The following NAALADL2 variants were observed in gnomAD, a reference collection of about 807,000 sequenced individuals.
The protein encoded by NAALADL2 is N-acetylated alpha-linked acidic dipeptidase like 2.
A neutral mutation model predicts 87.2 loss-of-function variants in NAALADL2; 76 were observed. The observed-to-expected ratio is 0.87, with a 90% CI of 0.72 to 1.05. The LOEUF (loss-of-function observed/expected upper bound fraction) is 1.05. Among genes scored for constraint, NAALADL2 ranks in the 50% least tolerant of loss-of-function variants. The probability of loss-of-function intolerance (pLI) is 0.00; values close to 1 mark genes in which losing one functional copy is unlikely to be tolerated. For missense variants in NAALADL2, 1,089 were observed against 945.8 expected, an observed-to-expected ratio of 1.15 and a Z score of -1.99; for synonymous variants, 354 against 331.0, an observed-to-expected ratio of 1.07 and a Z score of -0.75.
intron 2 of NAALADL2, among the ~76,000 whole-genome samples, chr3:175,189,889 G>T (rs1737889869): frequency 6.6e-6 from 1 of 152,130 alleles, no homozygotes; most frequent in Admixed American, 6.5e-5. Flanking sequence ...GAAAAAGACA[G>T]TGAAACAAAA....
chr3:175,412,038 G>C (rs1334478974), intron 5 of NAALADL2, among the ~76,000 whole-genome samples: 1 of 152,256 alleles, frequency 6.6e-6, no homozygotes, highest in South Asian at 2.1e-4. Context: ...AATGCCCAAG[G>C]CTCTGCCCAA....
intron 1 of NAALADL2, among the ~76,000 whole-genome samples, chr3:174,988,376 T>C (rs1746261769): frequency 6.6e-6 from 1 of 152,168 alleles, no homozygotes; most frequent in Admixed American, 6.5e-5. Flanking sequence ...ACTTAACAAA[T>C]AGTGTTTCAT....
chr3:175,475,595 AT>A (rs1280192159), intron 9 of NAALADL2, among the ~76,000 whole-genome samples: 2 of 152,234 alleles, frequency 1.3e-5, no homozygotes, highest in East Asian at 3.8e-4. Flanking sequence ...AAAGCAGTCC[AT>A]CTAGCCATAT....
chr3:174,838,331 A>G (rs867537243), intron 3 of NAALADL2, among the ~76,000 whole-genome samples: 1 of 152,194 alleles, frequency 6.6e-6, no homozygotes, highest in Non-Finnish European at 1.5e-5. Flanking sequence ...ATTGGCATAC[A>G]AGGGGCATAC....
At chr3:175,394,223 G>C (rs1418209778) in intron 5 of NAALADL2, among the ~76,000 whole-genome samples, 1 of 152,158 alleles carries the variant, frequency 6.6e-6, no homozygotes, top group Non-Finnish European at 1.5e-5. Flanking sequence ...AATCAATGAT[G>C]GTTGAGAAGA....
At chr3:174,563,591 T>C (rs993620002) in intron 2 of NAALADL2, among the ~76,000 whole-genome samples, 1 of 151,884 alleles carries the variant, frequency 6.6e-6, no homozygotes, top group Non-Finnish European at 1.5e-5. Context: ...GTTTTACAAG[T>C]TATTATTTGT....
chr3:174,987,591 A>AAAAAAAAAAAAAAC, intron 1 of NAALADL2, among the ~76,000 whole-genome samples: 1 of 140,646 alleles, frequency 7.1e-6, no homozygotes, highest in Non-Finnish European at 1.5e-5. Flanking sequence ...AAAAAAAAAA[A>AAAAAAAAAAAAAAC]AAAAAAACAA....
chr3:175,275,721 AT>A (rs1753495948), intron 4 of NAALADL2, among the ~76,000 whole-genome samples: 1 of 152,068 alleles, frequency 6.6e-6, no homozygotes, highest in East Asian at 1.9e-4. Flanking sequence ...CCAATATAAA[AT>A]GTTGACATTT....
intron 11 of NAALADL2, among the ~76,000 whole-genome samples, chr3:175,720,694 G>T (rs939113883): frequency 6.6e-6 from 1 of 151,906 alleles, no homozygotes; most frequent in East Asian, 1.9e-4. Context: ...TAAAAGAAAG[G>T]TTGCCTAAGT....
intron 1 of NAALADL2, among the ~76,000 whole-genome samples, chr3:174,907,630 TATC>T: frequency 6.6e-6 from 1 of 152,256 alleles, no homozygotes; most frequent in East Asian, 1.9e-4. Context: ...AATAACATTT[TATC>T]GAGTCCCTAG....
chr3:175,473,737 C>T (rs988306814), intron 9 of NAALADL2, among the ~76,000 whole-genome samples: 2 of 151,704 alleles, frequency 1.3e-5, no homozygotes, highest in Non-Finnish European at 2.9e-5. Context: ...TTAATTAAAA[C>T]AATTCACCAG....
At chr3:174,683,951 A>G (rs1223530462) in intron 2 of NAALADL2, among the ~76,000 whole-genome samples, 1 of 151,998 alleles carries the variant, frequency 6.6e-6, no homozygotes, top group Non-Finnish European at 1.5e-5. Context: ...AGAAACATTT[A>G]TATTCATTTA....
intron 11 of NAALADL2, among the ~76,000 whole-genome samples, chr3:175,686,171 T>G (rs1169142085): frequency 6.6e-6 from 1 of 152,188 alleles, no homozygotes; most frequent in African/African-American, 2.4e-5. Context: ...TGTAATAAAA[T>G]AAGTAGTTGT....
intron 1 of NAALADL2, among the ~76,000 whole-genome samples, chr3:174,884,344 A>G (rs959994360): frequency 9.2e-5 from 14 of 152,164 alleles, no homozygotes; most frequent in African/African-American, 2.9e-4. Context: ...CCTGAAAAGT[A>G]TTGTCACCTA....
chr3:175,414,212 C>A (rs933393009), intron 5 of NAALADL2, among the ~76,000 whole-genome samples: 19 of 152,162 alleles, frequency 1.2e-4, no homozygotes, highest in Admixed American at 6.5e-5. Context: ...GCCTGCTGAC[C>A]AGTCATAGAT....
At chr3:175,716,564 C>G (rs1375915821) in intron 11 of NAALADL2, among the ~76,000 whole-genome samples, 1 of 151,940 alleles carries the variant, frequency 6.6e-6, no homozygotes, top group Non-Finnish European at 1.5e-5. Flanking sequence ...GAACTGGAGG[C>G]AGAGCACTTC....
intron 1 of NAALADL2, among the ~76,000 whole-genome samples, chr3:174,935,209 G>T (rs982035355): frequency 6.6e-6 from 1 of 152,094 alleles, no homozygotes; most frequent in Non-Finnish European, 1.5e-5. Context: ...TTCTGACTCA[G>T]CAAGTGTTCT....
At chr3:174,777,819 C>T (rs1376735654) in intron 3 of NAALADL2, among the ~76,000 whole-genome samples, 1 of 152,084 alleles carries the variant, frequency 6.6e-6, no homozygotes, top group East Asian at 1.9e-4. Context: ...CATATACATG[C>T]ATAAGCAAAC....
intron 10 of NAALADL2, among the ~76,000 whole-genome samples, chr3:175,615,941 G>T (rs1725292391): frequency 6.9e-6 from 1 of 145,470 alleles, no homozygotes; most frequent in South Asian, 2.1e-4. Flanking sequence ...GATTATGTAT[G>T]TTATATAGTA....
Sources: allele counts gnomAD v4.1 joint callset (sites outside exome capture counted in the v4.1 genomes callset), GRCh38; gene constraint gnomAD v4.1.1; transcripts MANE v1.5; gene names NCBI Gene and HGNC (gene_info 2026-07-23, HGNC 2026-07-21).